BRMS1L: variants seen among roughly 807,000 people sequenced by gnomAD.
BRMS1L encodes the protein BRMS1 like transcriptional repressor.
Under a neutral mutation model 50.3 loss-of-function variants are expected in BRMS1L, and 23 were observed. The observed-to-expected ratio is 0.46, with a 90% CI of 0.33 to 0.65. The LOEUF is 0.65. Among genes scored for constraint, BRMS1L ranks in the 30% least tolerant of loss-of-function variants. The probability of loss-of-function intolerance (pLI) is 0.02; values close to 1 mark genes in which losing one functional copy is unlikely to be tolerated. For missense variants in BRMS1L, 286 were observed against 386.1 expected (o/e 0.74, Z 2.17); for synonymous variants, 114 against 126.9 (o/e 0.90, Z 0.69).
chr14:35,851,112 A>T (rs1318387149), intron 4 of BRMS1L, among the ~76,000 whole-genome samples: 1 of 152,160 alleles, frequency 6.6e-6, no homozygotes, highest in Non-Finnish European at 1.5e-5. Flanking sequence ...CTTCCTCATG[A>T]TTAGACACAG....
chr14:35,841,573 AG>A (rs2078064026), intron 4 of BRMS1L, among the ~76,000 whole-genome samples: 1 of 152,188 alleles, frequency 6.6e-6, no homozygotes, highest in East Asian at 1.9e-4. Flanking sequence ...CTGGGATTAC[AG>A]GCGTAAGCCA....
At chr14:35,866,685 A>C (rs371213202) in intron 8 of BRMS1L, among the ~76,000 whole-genome samples, 1 of 152,200 alleles carries the variant, frequency 6.6e-6, no homozygotes, top group Admixed American at 6.5e-5. Flanking sequence ...GCAACAGAGC[A>C]GGATTCCATC....
At chr14:35,867,254 C>G (rs1324514734) in intron 8 of BRMS1L, among the ~76,000 whole-genome samples, 2 of 152,152 alleles carry the variant, frequency 1.3e-5, no homozygotes, top group Non-Finnish European at 2.9e-5. Flanking sequence ...ATAATAATTA[C>G]TCTAAAAGAA....
intron 9 of BRMS1L, among the ~76,000 whole-genome samples, chr14:35,870,143 G>A (rs564306823): frequency 1.5e-3 from 229 of 151,212 alleles, no homozygotes; most frequent in African/African-American, 5.1e-3. Context: ...TAAATTTTAC[G>A]AACTCTATTA....
chr14:35,838,325 A>G (rs2142041900), intron 4 of BRMS1L, among the ~76,000 whole-genome samples: 1 of 152,356 alleles, frequency 6.6e-6, no homozygotes, highest in Non-Finnish European at 1.5e-5. Flanking sequence ...ACAGTGCCAC[A>G]ATAAACATAC....
chr14:35,838,024 G>A (rs1468882592), intron 4 of BRMS1L, among the ~76,000 whole-genome samples: 1 of 151,912 alleles, frequency 6.6e-6, no homozygotes, highest in African/African-American at 2.4e-5. Flanking sequence ...TCCTCCCCTA[G>A]CCCTCCACCC....
Position 35,865,739 on chromosome 14 carries a change from G to A in BRMS1L, c.705G>A (p.Gly235=). The change falls in exon 8 of 10, where the codon GGG becomes GGA. Residue 235 remains glycine (G), a synonymous_variant. Coordinates refer to ENST00000216807, the MANE Select transcript of BRMS1L (RefSeq NM_032352.4). ...TAATTAAGGCAATGGCTACATTGGG[G>A]CCACACAGAGTGAAAACGGAACGTA... ...TTIRKAMATL[G]PHRVKTEPPV... 6.3e-7 allele frequency: 1 copy of A among 1,596,946 alleles called. No individual in the cohort carries two copies. The highest frequency in any genetic ancestry group is 8.5e-7 in the Non-Finnish European group (1 of 1,175,936).
At chr14:35,839,636 G>A (rs1360116702) in intron 4 of BRMS1L, among the ~76,000 whole-genome samples, 1 of 152,124 alleles carries the variant, frequency 6.6e-6, no homozygotes, top group Non-Finnish European at 1.5e-5. Context: ...TGTAGCAATT[G>A]TGAATGGGAG....
chr14:35,855,580 T>A (rs546767009), intron 4 of BRMS1L, among the ~76,000 whole-genome samples: 1 of 152,320 alleles, frequency 6.6e-6, no homozygotes, highest in African/African-American at 2.4e-5. Context: ...TTGAAAGCCA[T>A]AGAGATGCTA....
chr14:35,852,375 T>A (rs1329944954), intron 4 of BRMS1L, among the ~76,000 whole-genome samples: 3 of 152,164 alleles, frequency 2.0e-5, no homozygotes. Context: ...CCTGCATAGC[T>A]CCAGTGGTAT....
chr14:35,842,243 TGTTA>T (rs1429656996), intron 4 of BRMS1L, among the ~76,000 whole-genome samples: 2 of 151,984 alleles, frequency 1.3e-5, no homozygotes, highest in African/African-American at 2.4e-5. Context: ...TTATTTTGCC[TGTTA>T]GTTGATGCAG....
chr14:35,835,445 T>G (rs957538301), intron 4 of BRMS1L, among the ~76,000 whole-genome samples: 1 of 152,200 alleles, frequency 6.6e-6, no homozygotes, highest in Non-Finnish European at 1.5e-5. Context: ...AAAAATCAGA[T>G]CTTGGTGATG....
At chr14:35,835,053 A>C (rs1292904488) in intron 4 of BRMS1L, 130 bp downstream of exon 4, 10 of 181,504 alleles carry the variant, frequency 5.5e-5, no homozygotes, top group Admixed American at 1.7e-4. Flanking sequence ...GTGTGTGATT[A>C]AAAAAAAAAA....
chr14:35,863,705 G>A lies in BRMS1L; in HGVS notation c.539-165G>A, dbSNP rs79995717. On this transcript the variant is annotated intron_variant, in intron 5 of 9. Transcript: ENST00000216807. ...TAAAGGCAGAGCAAAACTTAAACACGTAGTGCTCATGAAATTATGTACAGC... is the reference window on the plus strand; with the variant it reads ...TAAAGGCAGAGCAAAACTTAAACACATAGTGCTCATGAAATTATGTACAGC... Among the ~76,000 whole-genome samples the A allele has an allele frequency of 3.4e-3, 517 of 152,276 alleles. 3 individuals are homozygous for A. Among genetic ancestry groups the A allele is most frequent in the African/African-American group, 0.012 (491 of 41,560 alleles).
intron 9 of BRMS1L, among the ~76,000 whole-genome samples, chr14:35,870,117 T>TA (rs1229672973): frequency 6.6e-6 from 1 of 151,788 alleles, no homozygotes; most frequent in Non-Finnish European, 1.5e-5. Context: ...GTGCTTTTAA[T>TA]AGTTCTAATA....
chr14:35,852,958 C>G (rs1227249394), intron 4 of BRMS1L, among the ~76,000 whole-genome samples: 1 of 151,146 alleles, frequency 6.6e-6, no homozygotes, highest in Non-Finnish European at 1.5e-5. Flanking sequence ...CTAATATCAC[C>G]TTGTATTTCT....
intron 4 of BRMS1L, among the ~76,000 whole-genome samples, chr14:35,861,189 T>A (rs2078346840): frequency 6.6e-6 from 1 of 152,220 alleles, no homozygotes; most frequent in Non-Finnish European, 1.5e-5. Context: ...CCTTCAATGC[T>A]TCAAACATTT....
intron 4 of BRMS1L, among the ~76,000 whole-genome samples, chr14:35,844,150 G>A (rs1451070906): frequency 6.6e-6 from 1 of 152,176 alleles, no homozygotes; most frequent in Non-Finnish European, 1.5e-5. Context: ...TGCTGAGCAA[G>A]ACCACTTGGC....
chr14:35,844,811 C>CA (rs1255665985), intron 4 of BRMS1L, among the ~76,000 whole-genome samples: 1 of 152,180 alleles, frequency 6.6e-6, no homozygotes, highest in African/African-American at 2.4e-5. Flanking sequence ...GCTGCTATAT[C>CA]AAAAATAATT....
Sources: allele counts gnomAD v4.1 joint callset (sites outside exome capture counted in the v4.1 genomes callset), GRCh38; gene constraint gnomAD v4.1.1; transcripts MANE v1.5; gene names NCBI Gene and HGNC (gene_info 2026-07-23, HGNC 2026-07-21).